PRDM5: variants seen among roughly 807,000 people sequenced by gnomAD.
The protein encoded by PRDM5 is PR domain zinc finger protein 5.
PRDM5 carries 56 observed loss-of-function variants against 81.2 expected under a neutral mutation model. That is an observed-to-expected ratio of 0.69 (90% CI 0.56 to 0.86). The LOEUF (loss-of-function observed/expected upper bound fraction) is 0.86. Ranked by LOEUF, PRDM5 falls within the 40% of genes least tolerant of loss-of-function variation. The pLI is 0.00. For missense variants in PRDM5, 697 were observed against 770.1 expected, an observed-to-expected ratio of 0.91 and a Z score of 1.12; for synonymous variants, 267 against 256.4, an observed-to-expected ratio of 1.04 and a Z score of -0.39.
chr4:120,845,488 G>A (rs1243493548), intron 3 of PRDM5, among the ~76,000 whole-genome samples: 4 of 152,180 alleles, frequency 2.6e-5, no homozygotes, highest in Admixed American at 2.0e-4. Context: ...AACCAAGCCT[G>A]GATGATGGCA....
At chr4:120,756,784 A>G (rs866353791) in intron 13 of PRDM5, among the ~76,000 whole-genome samples, 4 of 152,246 alleles carry the variant, frequency 2.6e-5, no homozygotes, top group South Asian at 4.1e-4. Context: ...GATAATAAAC[A>G]AGGCTAAAAT....
chr4:120,761,470 C>T (rs888965957), intron 13 of PRDM5, among the ~76,000 whole-genome samples: 31 of 152,186 alleles, frequency 2.0e-4, no homozygotes, highest in African/African-American at 6.5e-4. Context: ...TATAGATGTT[C>T]CATATAGATG....
At chr4:120,759,337 A>G (rs570959963) in intron 13 of PRDM5, among the ~76,000 whole-genome samples, 1 of 152,302 alleles carries the variant, frequency 6.6e-6, no homozygotes, top group East Asian at 1.9e-4. Flanking sequence ...TAGTTTGCAA[A>G]TCAGCTTAGA....
At chr4:120,902,258 A>C (rs541413731) in intron 2 of PRDM5, among the ~76,000 whole-genome samples, 9 of 152,234 alleles carry the variant, frequency 5.9e-5, no homozygotes. Flanking sequence ...TGCATTCCAC[A>C]GGTGCCAAAA....
chr4:120,887,796 T>C (rs1561615210), intron 2 of PRDM5, among the ~76,000 whole-genome samples: 3 of 93,436 alleles, frequency 3.2e-5, no homozygotes, highest in African/African-American at 1.3e-4. Context: ...CTTTTTTTTT[T>C]TTTTTTTTTT....
chr4:120,802,936 C>A (rs762674043), intron 8 of PRDM5, among the ~76,000 whole-genome samples: 3 of 152,114 alleles, frequency 2.0e-5, no homozygotes, highest in Non-Finnish European at 2.9e-5. Flanking sequence ...TCAAACCCAT[C>A]GCAGAGAAGC....
chr4:120,686,344 A>G (rs577883400), intron 1 of PRDM5, among the ~76,000 whole-genome samples: 1 of 152,206 alleles, frequency 6.6e-6, no homozygotes, highest in Non-Finnish European at 1.5e-5. Flanking sequence ...TATAGCTTTG[A>G]GTATCAACTA....
At chr4:120,783,309 G>A (rs1749308390) in intron 11 of PRDM5, among the ~76,000 whole-genome samples, 1 of 151,780 alleles carries the variant, frequency 6.6e-6, no homozygotes, top group African/African-American at 2.4e-5. Flanking sequence ...GATTTTCCTG[G>A]CCAAATGTCA....
chr4:120,873,591 T>C (rs1396709248), intron 2 of PRDM5, among the ~76,000 whole-genome samples: 2 of 152,192 alleles, frequency 1.3e-5, no homozygotes, highest in Non-Finnish European at 2.9e-5. Flanking sequence ...AAATCAAAAG[T>C]CATTATATCT....
Position 120,794,772 on chromosome 4 carries a change from C to T in PRDM5, c.1188+3495G>A, listed in dbSNP as rs529250484. Among the ~76,000 whole-genome samples the T allele has an allele frequency of 2.0e-4, 30 of 152,064 alleles. No homozygotes were observed. The East Asian group carries it at 3.1e-3, about 16-fold the overall frequency. On this transcript the variant is annotated intron_variant, in intron 10 of 15. Coordinates refer to ENST00000264808, the MANE Select transcript of PRDM5 (RefSeq NM_018699.4). ...CTGAGTAGCTGGGACTACAGGCGTGCGCCACAACACCCGGCTAATTTTTTT... is the reference window on the plus strand; with the variant it reads ...CTGAGTAGCTGGGACTACAGGCGTGTGCCACAACACCCGGCTAATTTTTTT...
In PRDM5 at chr4:120,899,614, C is replaced by G. The variant is rs138521437; in HGVS notation, c.177+7860G>C. Among the ~76,000 whole-genome samples, 46 of 152,292 alleles carry G rather than the reference C, an allele frequency of 3.0e-4. No homozygotes were observed. In the East Asian group the frequency reaches 5.8e-3, roughly 19 times the overall value. The stretch of plus-strand genomic sequence containing the variant: ...AGTCAACTCAGAACACTTCTACTAC[C>G]ACATGTGGTAGGGTTTCCCCCATCA... On this transcript the variant is annotated intron_variant, in intron 2 of 15. Transcript: ENST00000264808.
At chr4:120,911,774 A>G (rs959719147) in intron 1 of PRDM5, among the ~76,000 whole-genome samples, 1 of 152,196 alleles carries the variant, frequency 6.6e-6, no homozygotes, top group Non-Finnish European at 1.5e-5. Context: ...CAAATTTAGA[A>G]CAATCTGAGA....
rs544652149 is a variant in PRDM5, at chr4:120,860,322, CACTT to C, written c.178-6786_178-6783del. On this transcript the variant is annotated intron_variant, in intron 2 of 15. Transcript: ENST00000264808. ...AAATGTTCAAAAATATTTTATAAGA[CACTT>C]AATGTAAAATATTTTAAAGCACTCC... 2.1e-3 allele frequency among the ~76,000 whole-genome samples: 318 copies of C among 152,206 alleles called. 2 individuals carry two copies. Among genetic ancestry groups the C allele is most frequent in the African/African-American group, 7.2e-3 (299 of 41,510 alleles).
intron 2 of PRDM5, among the ~76,000 whole-genome samples, chr4:120,877,555 A>G (rs138895539): frequency 0.015 from 2,267 of 152,350 alleles, 41 homozygotes; most frequent in Middle Eastern, 0.031. Context: ...CTGTAATCCC[A>G]GCACTTTGGG....
intron 8 of PRDM5, among the ~76,000 whole-genome samples, chr4:120,805,523 C>A (rs1337061915): frequency 6.6e-6 from 1 of 152,164 alleles, no homozygotes; most frequent in Non-Finnish European, 1.5e-5. Flanking sequence ...GGGCTTCATT[C>A]CTGGGATGCA....
chr4:120,822,273 G>A (rs1254144053), intron 3 of PRDM5, among the ~76,000 whole-genome samples: 1 of 152,190 alleles, frequency 6.6e-6, no homozygotes, highest in Non-Finnish European at 1.5e-5. Context: ...GATTTGTTCT[G>A]GGAGGGTTCC....
intron 3 of PRDM5, among the ~76,000 whole-genome samples, chr4:120,839,466 T>C (rs1757743504): frequency 6.6e-6 from 1 of 152,094 alleles, no homozygotes; most frequent in Non-Finnish European, 1.5e-5. Flanking sequence ...ACAATAAGCA[T>C]TCAGTTCTCA....
intron 14 of PRDM5, among the ~76,000 whole-genome samples, chr4:120,726,207 T>C (rs1416727162): frequency 6.6e-6 from 1 of 152,170 alleles, no homozygotes; most frequent in African/African-American, 2.4e-5. Flanking sequence ...GAAAAAATAT[T>C]TTTACAGAGA....
chr4:120,916,366 G>A lies in PRDM5; in HGVS notation c.93+6150C>T, dbSNP rs1050585805. Among the ~76,000 whole-genome samples the A allele has an allele frequency of 7.4e-5, 11 of 149,172 alleles. No homozygotes were observed. In the South Asian group the frequency reaches 8.6e-4, roughly 12 times the overall value. ...CGCACCTCTGCACTTTAGCCTGGAC[G>A]ACAGAGCAAGACTGTATCTCATAAA... On this transcript the variant is annotated intron_variant, in intron 1 of 15. Transcript: ENST00000264808.
Sources: allele counts gnomAD v4.1 joint callset (sites outside exome capture counted in the v4.1 genomes callset), GRCh38; gene constraint gnomAD v4.1.1; transcripts MANE v1.5; gene names NCBI Gene and HGNC (gene_info 2026-07-23, HGNC 2026-07-21).